The following MCTP2 variants were observed in gnomAD, a reference collection of about 807,000 sequenced individuals.
MCTP2 encodes multiple C2 and transmembrane domain-containing protein 2.
MCTP2 carries 132 observed loss-of-function variants against 111.6 expected under a neutral mutation model. The observed-to-expected ratio is 1.18, with a 90% CI of 1.03 to 1.37. The LOEUF (loss-of-function observed/expected upper bound fraction) is 1.37, where lower values mean the gene tolerates loss of function less well. Among genes scored for constraint, MCTP2 ranks in the 40% most tolerant of loss-of-function variants. MCTP2 has a pLI of 0.00. For missense variants in MCTP2, 1,183 were observed against 1,067.9 expected (o/e 1.11, Z -1.50); for synonymous variants, 395 against 387.7 (o/e 1.02, Z -0.22).
In MCTP2 at chr15:94,401,921, C is replaced by G. The variant is rs201086064; in HGVS notation, c.1987C>G (p.Arg663Gly). The change falls in exon 17 of 23, where the codon CGT becomes GGT. Residue 663 changes from arginine (R) to glycine (G), a missense_variant. Physicochemically the swap from Arg to Gly is moderately radical, Grantham distance 125. Coordinates refer to ENST00000357742, the MANE Select transcript of MCTP2 (RefSeq NM_001385001.1). ...SKKILSRDVD[R>G]VKRITMAIWN... ...TCAGATCTTATCAAGAGATGTGGAC[C>G]GTGTGAAAAGAATCACTATGGCAAT... 512 of 1,611,358 alleles carry G rather than the reference C, an allele frequency of 3.2e-4. 6 individuals are homozygous for G. The South Asian group carries it at 3.5e-3, about 11-fold the overall frequency.
chr15:94,250,689 CAG>C (rs1266330782), intron 1 of MCTP2, among the ~76,000 whole-genome samples: 5 of 152,126 alleles, frequency 3.3e-5, no homozygotes, highest in Non-Finnish European at 5.9e-5. Context: ...TGAAGTCACT[CAG>C]AGAACAATCA....
chr15:94,387,982 C>T (rs2080611792), intron 14 of MCTP2, among the ~76,000 whole-genome samples: 1 of 151,974 alleles, frequency 6.6e-6, no homozygotes, highest in African/African-American at 2.4e-5. Context: ...GGCCGGGCAG[C>T]CAGTATAGAT....
chr15:94,264,840 C>A (rs183710301), intron 1 of MCTP2, among the ~76,000 whole-genome samples: 11 of 152,196 alleles, frequency 7.2e-5, no homozygotes, highest in Admixed American at 5.9e-4. Context: ...ATGAGAAGAT[C>A]AAGCTGAGGT....
chr15:94,392,413 C>A (rs181662835), intron 14 of MCTP2, among the ~76,000 whole-genome samples: 57 of 151,274 alleles, frequency 3.8e-4, no homozygotes, highest in African/African-American at 1.4e-3. Context: ...TAAATATGAA[C>A]CTTTAAGGGG....
chr15:94,309,343 C>T (rs1337008376), intron 2 of MCTP2, among the ~76,000 whole-genome samples: 1 of 152,186 alleles, frequency 6.6e-6, no homozygotes, highest in Non-Finnish European at 1.5e-5. Flanking sequence ...ATTAAATATG[C>T]AGTATGTATA....
chr15:94,318,097 C>T (rs767068554), intron 4 of MCTP2, among the ~76,000 whole-genome samples: 17 of 151,990 alleles, frequency 1.1e-4, no homozygotes, highest in Non-Finnish European at 2.4e-4. Context: ...TACCCTGATC[C>T]GGCACAGTGT....
At chr15:94,367,415 C>A (rs1009890069) in intron 10 of MCTP2, among the ~76,000 whole-genome samples, 190 bp from the exon 11 acceptor site, 1 of 152,142 alleles carries the variant, frequency 6.6e-6, no homozygotes, top group Non-Finnish European at 1.5e-5. Flanking sequence ...CTCTTCCTCT[C>A]CTTAATTTTA....
chr15:94,457,455 A>G (rs2084904376), intron 19 of MCTP2, among the ~76,000 whole-genome samples: 1 of 152,128 alleles, frequency 6.6e-6, no homozygotes, highest in Non-Finnish European at 1.5e-5. Flanking sequence ...ACGGAAGATG[A>G]ATTTGTATTT....
At chr15:94,414,741 A>T (rs947038939) in intron 17 of MCTP2, among the ~76,000 whole-genome samples, 2 of 152,112 alleles carry the variant, frequency 1.3e-5, no homozygotes, top group African/African-American at 4.8e-5. Flanking sequence ...CTCTCTTATG[A>T]AGTTCATTTT....
intron 20 of MCTP2, among the ~76,000 whole-genome samples, chr15:94,465,968 G>A (rs1284707863): frequency 6.6e-6 from 1 of 151,992 alleles, no homozygotes; most frequent in Non-Finnish European, 1.5e-5. Context: ...TTTCTTCTTT[G>A]TGATGCCTTC....
intron 1 of MCTP2, among the ~76,000 whole-genome samples, chr15:94,274,752 C>T (rs879865354): frequency 2.6e-4 from 40 of 152,080 alleles, no homozygotes; most frequent in Admixed American, 9.2e-4. Flanking sequence ...TATACACATG[C>T]ATGCCAGAGA....
intron 3 of MCTP2, chr15:94,315,013 G>C (rs1263673493): frequency 3.1e-6 from 1 of 320,366 alleles, no homozygotes; most frequent in Non-Finnish European, 6.1e-6. Context: ...ATGTGGGCTT[G>C]TGGGGGCATC....
intron 14 of MCTP2, among the ~76,000 whole-genome samples, chr15:94,389,717 A>AAACAG (rs2080760491): frequency 6.6e-6 from 1 of 152,178 alleles, no homozygotes; most frequent in Non-Finnish European, 1.5e-5. Flanking sequence ...TTAGGTTTAA[A>AAACAG]AACAGAAAAA....
chr15:94,303,225 G>T (rs2152343160), intron 2 of MCTP2, among the ~76,000 whole-genome samples: 1 of 129,792 alleles, frequency 7.7e-6, no homozygotes, highest in East Asian at 2.3e-4. Flanking sequence ...TGATCACACG[G>T]TCCCACAATA....
At chr15:94,453,602 C>G (rs986664856) in intron 19 of MCTP2, among the ~76,000 whole-genome samples, 1 of 152,186 alleles carries the variant, frequency 6.6e-6, no homozygotes, top group Non-Finnish European at 1.5e-5. Context: ...AGTCTGAACA[C>G]TCTTAGAATA....
chr15:94,249,832 A>G (rs1385504214), intron 1 of MCTP2, among the ~76,000 whole-genome samples: 1 of 152,042 alleles, frequency 6.6e-6, no homozygotes, highest in Non-Finnish European at 1.5e-5. Flanking sequence ...TCATGAGTTG[A>G]TCTGAGCTGG....
intron 1 of MCTP2, among the ~76,000 whole-genome samples, chr15:94,241,783 C>G (rs1177080107): frequency 6.7e-6 from 1 of 150,056 alleles, no homozygotes; most frequent in Admixed American, 6.6e-5. Context: ...GGCATACCCA[C>G]TTTAAAAAAA....
chr15:94,322,577 G>A (rs1380208042), intron 4 of MCTP2, among the ~76,000 whole-genome samples: 2 of 152,124 alleles, frequency 1.3e-5, no homozygotes, highest in Non-Finnish European at 2.9e-5. Flanking sequence ...TTTAACTGAT[G>A]GGCCAAAGTT....
At chr15:94,466,458 C>T (rs1259726826) in intron 20 of MCTP2, among the ~76,000 whole-genome samples, 1 of 152,116 alleles carries the variant, frequency 6.6e-6, no homozygotes, top group Non-Finnish European at 1.5e-5. Flanking sequence ...GCTTTTCAAG[C>T]AACACTGGTA....
Sources: allele counts gnomAD v4.1 joint callset (sites outside exome capture counted in the v4.1 genomes callset), GRCh38; gene constraint gnomAD v4.1.1; transcripts MANE v1.5; gene names NCBI Gene and HGNC (gene_info 2026-07-23, HGNC 2026-07-21).